Variants in ROBO2 observed in about 807,000 individuals in gnomAD.
ROBO2 encodes the protein roundabout homolog 2.
A neutral mutation model predicts 160.8 loss-of-function variants in ROBO2; 53 were observed. That is an observed-to-expected ratio of 0.33 (90% CI 0.26 to 0.41). The LOEUF (loss-of-function observed/expected upper bound fraction) is 0.41, where lower values mean the gene tolerates loss of function less well. Among genes scored for constraint, ROBO2 ranks in the 10% least tolerant of loss-of-function variants. The probability of loss-of-function intolerance (pLI) is 1.00; values close to 1 mark genes in which losing one functional copy is unlikely to be tolerated. For missense variants in ROBO2, 1,577 were observed against 1,722.4 expected, an observed-to-expected ratio of 0.92 and a Z score of 1.49; for synonymous variants, 664 against 611.7, an observed-to-expected ratio of 1.09 and a Z score of -1.26.
chr3:77,458,848 A>G (rs1197750028), intron 2 of ROBO2, among the ~76,000 whole-genome samples: 1 of 152,152 alleles, frequency 6.6e-6, no homozygotes, highest in East Asian at 1.9e-4. Context: ...ATTTCATCAC[A>G]ATATTTTTAA....
intron 2 of ROBO2, among the ~76,000 whole-genome samples, chr3:76,114,968 A>G (rs1341457045): frequency 1.3e-5 from 2 of 152,224 alleles, no homozygotes; most frequent in East Asian, 1.9e-4. Context: ...GCTGATTAAG[A>G]TGACTCTCTG....
chr3:77,194,210 A>G (rs1281943319), intron 2 of ROBO2, among the ~76,000 whole-genome samples: 1 of 152,166 alleles, frequency 6.6e-6, no homozygotes. Context: ...AATCCAATCA[A>G]TCAATTTACA....
Position 77,073,854 on chromosome 3 carries a change from C to T in ROBO2, c.62-24160C>T, listed in dbSNP as rs139257496. On this transcript the variant is annotated intron_variant, in intron 1 of 25. Coordinates refer to ENST00000461745, the Ensembl canonical transcript of ROBO2. ...CATGGTGCAATTCTCTACCCTTGAA[C>T]GTGGAATTATGCAGAGTAGTGAAGC... 1.6e-3 allele frequency among the ~76,000 whole-genome samples: 246 copies of T among 152,242 alleles called. 2 individuals are homozygous for T. The highest frequency in any genetic ancestry group is 1.9e-4 in the Non-Finnish European group (13 of 68,038).
chr3:76,714,221 T>C (rs1329913133), intron 2 of ROBO2, among the ~76,000 whole-genome samples: 1 of 152,130 alleles, frequency 6.6e-6, no homozygotes, highest in African/African-American at 2.4e-5. Context: ...CAACTAGATA[T>C]AACCTTGAGC....
At chr3:77,297,950 G>A (rs1042856025) in intron 2 of ROBO2, among the ~76,000 whole-genome samples, 5 of 152,098 alleles carry the variant, frequency 3.3e-5, no homozygotes, top group Middle Eastern at 3.2e-3. Context: ...CGTTGGACAT[G>A]GGCCAAGAAG....
chr3:76,852,816 TTGG>T (rs765956921), intron 2 of ROBO2, among the ~76,000 whole-genome samples: 24 of 151,892 alleles, frequency 1.6e-4, no homozygotes, highest in Non-Finnish European at 3.2e-4. Context: ...TGCTTGGCAG[TTGG>T]TGGTACATTC....
At chr3:77,342,193 C>T (rs1276823650) in intron 2 of ROBO2, among the ~76,000 whole-genome samples, 1 of 152,120 alleles carries the variant, frequency 6.6e-6, no homozygotes, top group Non-Finnish European at 1.5e-5. Flanking sequence ...CAGATAGAAG[C>T]AGCAGGAATC....
chr3:77,472,641 T>C (rs570119166), intron 2 of ROBO2, among the ~76,000 whole-genome samples: 45 of 152,292 alleles, frequency 3.0e-4, no homozygotes, highest in African/African-American at 9.6e-4. Context: ...CATGGAGATT[T>C]GAAACCCTGT....
intron 2 of ROBO2, among the ~76,000 whole-genome samples, chr3:76,340,211 G>C (rs1376984894): frequency 1.3e-5 from 2 of 152,012 alleles, no homozygotes; most frequent in Non-Finnish European, 2.9e-5. Flanking sequence ...AAAATACAAA[G>C]ATGAGTTAAA....
chr3:76,682,280 G>C (rs971988495), intron 2 of ROBO2, among the ~76,000 whole-genome samples: 1 of 152,124 alleles, frequency 6.6e-6, no homozygotes, highest in African/African-American at 2.4e-5. Context: ...TCTATGCAAC[G>C]AATGTACCTC....
At chr3:76,227,962 C>T (rs1233928091) in intron 2 of ROBO2, among the ~76,000 whole-genome samples, 1 of 152,044 alleles carries the variant, frequency 6.6e-6, no homozygotes, top group Non-Finnish European at 1.5e-5. Flanking sequence ...GATAATATGC[C>T]TAATATACTC....
intron 2 of ROBO2, among the ~76,000 whole-genome samples, chr3:76,102,829 CTT>C (rs146647759): frequency 2.1e-5 from 3 of 145,020 alleles, no homozygotes; most frequent in African/African-American, 5.1e-5. Flanking sequence ...AGAGACCTGA[CTT>C]TTTTTTTTTT....
chr3:77,422,134 G>A (rs891242235), intron 2 of ROBO2, among the ~76,000 whole-genome samples: 1 of 152,180 alleles, frequency 6.6e-6, no homozygotes, highest in Non-Finnish European at 1.5e-5. Context: ...AAGTCAAGAA[G>A]CCATTTACCT....
chr3:76,343,888 T>G (rs2074375340), intron 2 of ROBO2, among the ~76,000 whole-genome samples: 1 of 152,256 alleles, frequency 6.6e-6, no homozygotes, highest in African/African-American at 2.4e-5. Flanking sequence ...ATGCAAAATC[T>G]GATTCATTAC....
intron 6 of ROBO2, 53 bp from the exon 8 acceptor site, chr3:77,546,285 T>A: frequency 6.3e-7 from 1 of 1,597,924 alleles, no homozygotes; most frequent in Admixed American, 1.7e-5. Flanking sequence ...CTTGACATAT[T>A]TTTATTTGTC....
intron 2 of ROBO2, among the ~76,000 whole-genome samples, chr3:76,542,037 C>T (rs1406457345): frequency 6.6e-6 from 1 of 152,096 alleles, no homozygotes; most frequent in African/African-American, 2.4e-5. Context: ...CTAAAGTGCC[C>T]ACTTAAGTGC....
intron 2 of ROBO2, among the ~76,000 whole-genome samples, chr3:75,941,683 A>G (rs539248175): frequency 4.3e-4 from 66 of 152,298 alleles, no homozygotes; most frequent in Non-Finnish European, 8.4e-4. Flanking sequence ...TCAGCTATTA[A>G]GCAGTCAAAA....
At chr3:76,699,925 G>T (rs2093012188) in intron 2 of ROBO2, among the ~76,000 whole-genome samples, 1 of 152,030 alleles carries the variant, frequency 6.6e-6, no homozygotes, top group Non-Finnish European at 1.5e-5. Flanking sequence ...AATGTCTCCT[G>T]TTGAGGCACA....
chr3:76,583,229 A>C (rs559863216), intron 2 of ROBO2, among the ~76,000 whole-genome samples: 1 of 152,310 alleles, frequency 6.6e-6, no homozygotes, highest in South Asian at 2.1e-4. Flanking sequence ...ATGTGTTTCC[A>C]GAGCTTGTCT....
Sources: allele counts gnomAD v4.1 joint callset (sites outside exome capture counted in the v4.1 genomes callset), GRCh38; gene constraint gnomAD v4.1.1; transcripts MANE v1.5; gene names NCBI Gene and HGNC (gene_info 2026-07-23, HGNC 2026-07-21).